PRDM16: variants seen among roughly 807,000 people sequenced by gnomAD.
PRDM16 encodes PR/SET domain 16, also known as histone-lysine N-methyltransferase PRDM16.
Under a neutral mutation model 110.6 loss-of-function variants are expected in PRDM16, and 23 were observed. That is an observed-to-expected ratio of 0.21 (90% confidence interval 0.15 to 0.29). The LOEUF is 0.29. Among genes scored for constraint, PRDM16 ranks in the 10% least tolerant of loss-of-function variants. The pLI, the probability that PRDM16 is intolerant of heterozygous loss-of-function variation, is 1.00. For missense variants in PRDM16, 1,615 were observed against 1,794.3 expected (o/e 0.90, Z 1.81); for synonymous variants, 799 against 781.8 (o/e 1.02, Z -0.37).
chr1:3,256,120 C>T (rs1243577987), intron 3 of PRDM16, among the ~76,000 whole-genome samples: 4 of 152,134 alleles, frequency 2.6e-5, no homozygotes, highest in Admixed American at 6.5e-5. Context: ...CCAGGAGGGA[C>T]GAGGAGAGGA....
At chr1:3,308,476 C>T (rs917634671) in intron 3 of PRDM16, 1 of 152,242 alleles carries the variant, frequency 6.6e-6, no homozygotes, top group Non-Finnish European at 1.5e-5. Flanking sequence ...TGCTCCTTCC[C>T]CTAGGAGGTC....
At chr1:3,340,811 G>A (rs1007739927) in intron 3 of PRDM16, among the ~76,000 whole-genome samples, 1 of 152,208 alleles carries the variant, frequency 6.6e-6, no homozygotes, top group African/African-American at 2.4e-5. Flanking sequence ...TCAGGGTGTG[G>A]GGCAGAAGTC....
intron 1 of PRDM16, among the ~76,000 whole-genome samples, chr1:3,178,393 A>T (rs1644113700): frequency 6.6e-6 from 1 of 151,956 alleles, no homozygotes; most frequent in South Asian, 2.1e-4. Flanking sequence ...CCCAGAACCG[A>T]GCTCTGCGGA....
At chr1:3,149,878 CGT>C (rs1399813043) in intron 1 of PRDM16, among the ~76,000 whole-genome samples, 1 of 152,200 alleles carries the variant, frequency 6.6e-6, no homozygotes, top group Non-Finnish European at 1.5e-5. Context: ...TTCTGAGATG[CGT>C]GTACTCCTGC....
At chr1:3,227,376 G>C (rs1007313769) in intron 2 of PRDM16, among the ~76,000 whole-genome samples, 4 of 152,268 alleles carry the variant, frequency 2.6e-5, no homozygotes, top group Non-Finnish European at 5.9e-5. Flanking sequence ...GAGGCCACAG[G>C]CTTTGCTGTT....
chr1:3,173,570 C>T (rs1329141547), intron 1 of PRDM16, among the ~76,000 whole-genome samples: 4 of 152,204 alleles, frequency 2.6e-5, no homozygotes, highest in African/African-American at 7.2e-5. Context: ...GAGGGGCGTT[C>T]GTGGGCAGTG....
At chr1:3,194,606 GCCACCGTCTCCCCA>G (rs1351015071) in intron 2 of PRDM16, among the ~76,000 whole-genome samples, 7 of 148,930 alleles carry the variant, frequency 4.7e-5, no homozygotes, top group Admixed American at 1.3e-4. Flanking sequence ...CCCACCACAC[GCCACCGTCTCCCCA>G]CCACACGCCA....
At chr1:3,405,027 G>C in intron 7 of PRDM16, 141 bp downstream of exon 7, 2 of 849,424 alleles carry the variant, frequency 2.4e-6, no homozygotes, top group South Asian at 1.8e-5. Context: ...GCGGTGGCTC[G>C]GGCCCTTCCG....
At chr1:3,199,631 C>T (rs1638567852) in intron 2 of PRDM16, among the ~76,000 whole-genome samples, 1 of 152,184 alleles carries the variant, frequency 6.6e-6, no homozygotes, top group South Asian at 2.1e-4. Flanking sequence ...CGGGCCCCCT[C>T]AAAGCATCCT....
At chr1:3,252,707 C>T (rs928916339) in intron 3 of PRDM16, among the ~76,000 whole-genome samples, 3 of 152,080 alleles carry the variant, frequency 2.0e-5, no homozygotes, top group African/African-American at 4.8e-5. Flanking sequence ...GACTACTTCT[C>T]TGGTGGGGGC....
Position 3,301,642 on chromosome 1 carries a change from G to A in PRDM16, c.438+57505G>A, listed in dbSNP as rs558453477. 9.5e-4 allele frequency among the ~76,000 whole-genome samples: 145 copies of A among 152,274 alleles called. 3 individuals carry two copies. In the South Asian group the frequency reaches 0.012, roughly 12 times the overall value. On this transcript the variant is annotated intron_variant, in intron 3 of 16. Transcript: ENST00000270722. ...TGTGTCCAGGGCTCGAAAAACGTCC[G>A]GTGGGCAGGACAGGGGATAGAGAAG...
chr1:3,253,236 T>C (rs1020165359), intron 3 of PRDM16, among the ~76,000 whole-genome samples: 3 of 152,058 alleles, frequency 2.0e-5, no homozygotes, highest in Non-Finnish European at 4.4e-5. Flanking sequence ...CTTTAAGTTT[T>C]AGGGTACATG....
At chr1:3,421,989 C>A (rs111900500) in intron 12 of PRDM16, among the ~76,000 whole-genome samples, 1 of 144,914 alleles carries the variant, frequency 6.9e-6, no homozygotes, top group East Asian at 2.0e-4. Flanking sequence ...GACAGACAGG[C>A]AGACAGACAG....
chr1:3,194,579 C>G (rs945242860), intron 2 of PRDM16, among the ~76,000 whole-genome samples: 1 of 142,094 alleles, frequency 7.0e-6, no homozygotes, highest in Non-Finnish European at 1.5e-5. Flanking sequence ...TGTCTCCCCA[C>G]CACACGCCAC....
chr1:3,109,597 T>C (rs1254086178), intron 1 of PRDM16, among the ~76,000 whole-genome samples: 1 of 152,222 alleles, frequency 6.6e-6, no homozygotes, highest in African/African-American at 2.4e-5. Flanking sequence ...CGCCGAGGAC[T>C]AATTGAGCAG....
At chr1:3,223,487 C>G (rs536299051) in intron 2 of PRDM16, among the ~76,000 whole-genome samples, 2 of 152,312 alleles carry the variant, frequency 1.3e-5, no homozygotes, top group East Asian at 3.9e-4. Flanking sequence ...CCCCGGCATG[C>G]AGGCATTTTT....
chr1:3,152,696 G>A (rs781050320), intron 1 of PRDM16, among the ~76,000 whole-genome samples: 4 of 152,208 alleles, frequency 2.6e-5, no homozygotes, highest in South Asian at 2.1e-4. Flanking sequence ...GCCGTCCGTC[G>A]TCCATCTGGT....
rs527389696 is a variant in PRDM16, at chr1:3,148,702, G to A, written c.38-37423G>A. 2.0e-5 allele frequency among the ~76,000 whole-genome samples: 3 copies of A among 152,144 alleles called. No individual in the cohort carries two copies. The highest frequency in any genetic ancestry group is 4.4e-5 in the Non-Finnish European group (3 of 68,040). On this transcript the variant is annotated intron_variant, in intron 1 of 16. Transcript: ENST00000270722. The surrounding 1 kb of genome is among the most constrained non-coding windows in gnomAD (Gnocchi z 5.0). ...GAAGTCCAGTTTGTGTCAGAGCAGC[G>A]GCCCAAAGCCAAAGGGTGGTGAATC...
At chr1:3,116,018 G>A (rs954401731) in intron 1 of PRDM16, among the ~76,000 whole-genome samples, 20 of 152,314 alleles carry the variant, frequency 1.3e-4, no homozygotes, top group Middle Eastern at 3.4e-3. Context: ...CAGCTCCCCA[G>A]GGGGCGGGGC....
Sources: gnomAD v4.1 joint callset for allele counts (sites outside exome capture counted in the v4.1 genomes callset) on GRCh38, gnomAD v4.1.1 for gene constraint, Gnocchi (gnomAD v3.1) non-coding constraint, MANE v1.5 for transcripts, NCBI Gene and HGNC (gene_info 2026-07-23, HGNC 2026-07-21) for gene names.